CACNA1A: variants seen among roughly 807,000 people sequenced by gnomAD.
CACNA1A encodes the protein voltage-dependent P/Q-type calcium channel subunit alpha-1A.
A neutral mutation model predicts 262.4 loss-of-function variants in CACNA1A; 57 were observed. That is an observed-to-expected ratio of 0.22 (90% confidence interval 0.18 to 0.27). The LOEUF (loss-of-function observed/expected upper bound fraction) is 0.27, where lower values mean the gene tolerates loss of function less well. CACNA1A is among the 10% of genes least tolerant of loss of function. The pLI is 1.00. For synonymous variants in CACNA1A, 1,431 were observed against 1,419.3 expected, an observed-to-expected ratio of 1.01 and a Z score of -0.18; for missense variants, 2,526 against 3,562.8, an observed-to-expected ratio of 0.71 and a Z score of 7.41.
chr19:13,389,813 T>A (rs2059681667), intron 3 of CACNA1A, among the ~76,000 whole-genome samples: 2 of 152,052 alleles, frequency 1.3e-5, no homozygotes, highest in South Asian at 4.2e-4. Flanking sequence ...TATTATTATT[T>A]ATTTATTTAT....
chr19:13,471,413 G>A (rs566889623), intron 1 of CACNA1A, among the ~76,000 whole-genome samples: 1 of 152,224 alleles, frequency 6.6e-6, no homozygotes, highest in South Asian at 2.1e-4. Context: ...AATCAGGTAA[G>A]GTTACCCTAA....
In CACNA1A at chr19:13,214,134, C is replaced by A; in HGVS notation, c.5940+99G>T. On this transcript the variant is annotated intron_variant, in intron 40 of 46. Transcript: ENST00000360228. The surrounding 1 kb of genome is among the most constrained non-coding windows in gnomAD (Gnocchi z 4.1). The stretch of plus-strand genomic sequence containing the variant: ...ACAGCCCCTACTTTTCAGGGACCTG[C>A]CCTGGGGCTCAGCCACCCTCATATT... The A allele has an allele frequency of 1.0e-6, 1 of 954,294 alleles. No individual in the cohort carries two copies. The highest frequency in any genetic ancestry group is 1.6e-6 in the Non-Finnish European group (1 of 623,238). The allele number at this position is 954,294 out of a possible 1,614,324, so 59.1% of individuals were successfully genotyped here.
At chr19:13,209,132 T>G in intron 45 of CACNA1A, 123 bp from the exon 46 acceptor site, 1 of 1,423,224 alleles carries the variant, frequency 7.0e-7, no homozygotes, top group Non-Finnish European at 9.4e-7. Context: ...CCGAGGCAGG[T>G]CAGTGGGTTG....
At chr19:13,260,679 C>T (rs143462095) in intron 26 of CACNA1A, 1 of 151,894 alleles carries the variant, frequency 6.6e-6, no homozygotes, top group Non-Finnish European at 1.5e-5. Context: ...GGCAGGGTCT[C>T]ACTCTGTCAC....
intron 11 of CACNA1A, among the ~76,000 whole-genome samples, chr19:13,313,391 T>C (rs1360134445): frequency 6.7e-6 from 1 of 148,974 alleles, no homozygotes; most frequent in Non-Finnish European, 1.5e-5. Flanking sequence ...ACCCAGCTAC[T>C]TGGGAGGCTG....
intron 38 of CACNA1A, among the ~76,000 whole-genome samples, chr19:13,221,914 T>A (rs1217348292): frequency 1.3e-5 from 2 of 152,140 alleles, no homozygotes; most frequent in African/African-American, 4.8e-5. Context: ...TTTATTTTTA[T>A]TTTTATTTTT....
At chr19:13,425,746 T>C (rs560278035) in intron 3 of CACNA1A, among the ~76,000 whole-genome samples, 101 of 152,064 alleles carry the variant, frequency 6.6e-4, no homozygotes, top group Non-Finnish European at 1.2e-3. Context: ...CAGGCCTCAA[T>C]GAACTCCCTT....
intron 38 of CACNA1A, 107 bp downstream of exon 38, chr19:13,224,556 GTGAA>G (rs1200004999): frequency 5.6e-6 from 4 of 714,830 alleles, no homozygotes; most frequent in Non-Finnish European, 7.4e-6. Flanking sequence ...GAATGGAAGA[GTGAA>G]TGAAGATCCG....
intron 10 of CACNA1A, among the ~76,000 whole-genome samples, chr19:13,325,714 C>T (rs2058349037): frequency 6.6e-6 from 1 of 152,176 alleles, no homozygotes; most frequent in African/African-American, 2.4e-5. Flanking sequence ...AGGTGTGAGC[C>T]ACCGTGCCCA....
intron 30 of CACNA1A, among the ~76,000 whole-genome samples, chr19:13,247,780 T>C (rs971342462): frequency 6.6e-6 from 1 of 152,144 alleles, no homozygotes; most frequent in African/African-American, 2.4e-5. Context: ...TTTGGCATTT[T>C]GGCAGGTGTT....
intron 2 of CACNA1A, 67 bp downstream of exon 2, chr19:13,455,040 C>T (rs1325953807): frequency 3.3e-6 from 3 of 917,690 alleles, no homozygotes; most frequent in Admixed American, 1.8e-5. Context: ...GTGCCCTGCT[C>T]CACTCCCCCA....
intron 3 of CACNA1A, among the ~76,000 whole-genome samples, chr19:13,392,041 A>G (rs2059719023): frequency 1.3e-5 from 2 of 150,710 alleles, no homozygotes; most frequent in Non-Finnish European, 3.0e-5. Flanking sequence ...AAAAAAAAAA[A>G]AAAAAAGAAA....
chr19:13,455,577 G>T (rs2060991026), intron 1 of CACNA1A, among the ~76,000 whole-genome samples: 1 of 152,148 alleles, frequency 6.6e-6, no homozygotes, highest in South Asian at 2.1e-4. Context: ...AAATAAATGA[G>T]ATGACTACAT....
intron 1 of CACNA1A, among the ~76,000 whole-genome samples, chr19:13,488,390 CTTTTTTTTTTT>C (rs34348281): frequency 2.1e-4 from 16 of 77,632 alleles, no homozygotes; most frequent in Non-Finnish European, 3.2e-4. Context: ...TTTTTCTTTT[CTTTTTTTTTTT>C]TTTTTTTTTT....
In CACNA1A at chr19:13,241,035, T is replaced by C. The variant is rs1364357641; in HGVS notation, c.4950+4147A>G. The stretch of plus-strand genomic sequence containing the variant: ...TCTCTGCTGGTCAAGGCCAAAGATC[T>C]TGTGGGCTTGAGATGGAGGATTGGG... On this transcript the variant is annotated intron_variant, in intron 31 of 46. Coordinates refer to ENST00000360228, the MANE Select transcript of CACNA1A (RefSeq NM_001127222.2). This position sits in a 1 kb window ranked among gnomAD's most constrained non-coding sequence, Gnocchi z 4.0. Among the ~76,000 whole-genome samples, 1 of 152,118 alleles carries C rather than the reference T, an allele frequency of 6.6e-6. No homozygotes were observed. The highest frequency in any genetic ancestry group is 1.5e-5 in the Non-Finnish European group (1 of 68,008).
chr19:13,276,299 C>T (rs1031799412), intron 23 of CACNA1A, among the ~76,000 whole-genome samples: 7 of 152,222 alleles, frequency 4.6e-5, no homozygotes, highest in Admixed American at 1.3e-4. Context: ...CTGTCCACTT[C>T]TCACCTCTTC....
At chr19:13,457,026 G>A (rs2061024604) in intron 1 of CACNA1A, among the ~76,000 whole-genome samples, 1 of 152,122 alleles carries the variant, frequency 6.6e-6, no homozygotes, top group South Asian at 2.1e-4. Flanking sequence ...GAGGTAGGAG[G>A]ATTACTTGAG....
intron 1 of CACNA1A, among the ~76,000 whole-genome samples, chr19:13,468,707 A>G (rs879514442): frequency 6.6e-6 from 1 of 152,160 alleles, no homozygotes; most frequent in Non-Finnish European, 1.5e-5. Context: ...AAACTGTTTG[A>G]ACCCAGGAGG....
rs116023034 is a variant in CACNA1A at position 13,207,094 on chromosome 19, T to C, written c.*219A>G. On this transcript the variant is annotated 3_prime_UTR_variant, in exon 47 of 47. Transcript: ENST00000360228. The surrounding 1 kb of genome is among the most constrained non-coding windows in gnomAD (Gnocchi z 5.7). ...TCGTGGGTGGGGGGATCGGGGCTGG[T>C]TGGGGGGCGCCGTGGCTGCCCAGGA... is the stretch of plus-strand genomic sequence containing the variant. The C allele has an allele frequency of 9.9e-6, 4 of 405,856 alleles. No individual in the cohort carries two copies. The East Asian group carries it at 1.9e-4, about 19-fold the overall frequency. 25.1% of individuals were successfully genotyped at this position (405,856 alleles called of 1,614,324 possible). A position where few individuals can be genotyped will look rare whatever the true frequency, so the allele number is the denominator to read the frequency against.
Sources: gnomAD v4.1 joint callset for allele counts (sites outside exome capture counted in the v4.1 genomes callset) on GRCh38, gnomAD v4.1.1 for gene constraint, Gnocchi (gnomAD v3.1) non-coding constraint, MANE v1.5 for transcripts, NCBI Gene and HGNC (gene_info 2026-07-23, HGNC 2026-07-21) for gene names.